The following WWOX variants were observed in gnomAD, a reference collection of about 807,000 sequenced individuals.
WWOX encodes WW domain containing oxidoreductase.
WWOX carries 69 observed loss-of-function variants against 46.2 expected under a neutral mutation model. The observed-to-expected ratio is 1.49, with a 90% CI of 1.23 to 1.82. The LOEUF (loss-of-function observed/expected upper bound fraction) is 1.82. Ranked by LOEUF, WWOX falls within the 40% of genes most tolerant of loss-of-function variation. WWOX has a pLI of 0.00. For missense variants in WWOX, 919 were observed against 542.6 expected, an observed-to-expected ratio of 1.69 and a Z score of -6.89; for synonymous variants, 359 against 202.6, an observed-to-expected ratio of 1.77 and a Z score of -6.56.
chr16:78,635,238 A>G (rs1297725538), intron 8 of WWOX, among the ~76,000 whole-genome samples: 3 of 152,054 alleles, frequency 2.0e-5, no homozygotes, highest in African/African-American at 7.2e-5. Flanking sequence ...GATGCGTGAG[A>G]CCCTTTCAAT....
At position 78,339,429 on chromosome 16, in the gene WWOX, C is replaced by G. The variant is rs773013557; in HGVS notation, c.517-47431C>G. 3.4e-5 allele frequency among the ~76,000 whole-genome samples: 4 copies of G among 116,448 alleles called. 2 individuals carry two copies. The highest frequency in any genetic ancestry group is 8.1e-5 in the Non-Finnish European group (4 of 49,548). The allele number at this position is 116,448 out of a possible 152,430, so 76.4% of individuals were successfully genotyped here. ...CCTTCTGCAGTTTGGGGTTGTTGTC[C>G]TTTTTGCTTGGTGCACAGGAATACT... On this transcript the variant is annotated intron_variant, in intron 5 of 8. Transcript: ENST00000566780.
chr16:78,882,427 C>T (rs576022903), intron 8 of WWOX, among the ~76,000 whole-genome samples: 1 of 151,910 alleles, frequency 6.6e-6, no homozygotes, highest in African/African-American at 2.4e-5. Context: ...ATTAAATCAT[C>T]CTAAGCTCCA....
At chr16:78,418,542 T>G (rs28769341) in intron 6 of WWOX, among the ~76,000 whole-genome samples, 8,381 of 152,128 alleles carry the variant, frequency 0.055, 268 homozygotes, top group South Asian at 0.14. Context: ...TAAATAGAGA[T>G]GCAACAATTT....
intron 5 of WWOX, among the ~76,000 whole-genome samples, chr16:78,316,763 A>G (rs1355491651): frequency 1.3e-5 from 2 of 152,134 alleles, no homozygotes; most frequent in Non-Finnish European, 2.9e-5. Context: ...TGGTAAAGTA[A>G]TTGCTTTCTT....
intron 5 of WWOX, among the ~76,000 whole-genome samples, chr16:78,315,824 A>G (rs1326028329): frequency 6.6e-6 from 1 of 151,776 alleles, no homozygotes; most frequent in African/African-American, 2.4e-5. Context: ...CATTAGTTTA[A>G]AAAAAAATAC....
intron 5 of WWOX, among the ~76,000 whole-genome samples, chr16:78,239,935 C>T (rs563186416): frequency 2.2e-4 from 34 of 152,200 alleles, no homozygotes; most frequent in African/African-American, 7.7e-4. Context: ...TCCATGGTGA[C>T]GATGCCATGC....
intron 8 of WWOX, among the ~76,000 whole-genome samples, chr16:78,461,981 T>A (rs930682868): frequency 3.9e-5 from 6 of 152,236 alleles, no homozygotes; most frequent in African/African-American, 1.4e-4. Context: ...CAACAGACCA[T>A]TTTCAGCATT....
chr16:78,749,310 G>A (rs543379018), intron 8 of WWOX, among the ~76,000 whole-genome samples: 3 of 152,148 alleles, frequency 2.0e-5, no homozygotes, highest in South Asian at 2.1e-4. Context: ...CTACAGAGAG[G>A]AAAGGGGAAA....
At chr16:78,832,951 C>T (rs72801095) in intron 8 of WWOX, among the ~76,000 whole-genome samples, 6,102 of 151,772 alleles carry the variant, frequency 0.04, 153 homozygotes, top group Non-Finnish European at 0.058. Context: ...GCCATTTGGA[C>T]AATGTGCTAT....
intron 8 of WWOX, among the ~76,000 whole-genome samples, chr16:78,697,474 A>G (rs958809179): frequency 6.6e-6 from 1 of 152,206 alleles, no homozygotes; most frequent in South Asian, 2.1e-4. Flanking sequence ...GACAACCCGC[A>G]GAGTGGGAGA....
chr16:78,861,338 T>A (rs1417539129), intron 8 of WWOX, among the ~76,000 whole-genome samples: 1 of 152,240 alleles, frequency 6.6e-6, no homozygotes, highest in East Asian at 1.9e-4. Context: ...TTATTCACAC[T>A]GGCTTTAAAA....
intron 8 of WWOX, among the ~76,000 whole-genome samples, chr16:78,693,481 C>G (rs766737141): frequency 6.6e-6 from 1 of 152,122 alleles, no homozygotes; most frequent in East Asian, 1.9e-4. Context: ...CACATAATCC[C>G]TAACCATGAT....
intron 5 of WWOX, among the ~76,000 whole-genome samples, chr16:78,232,260 A>G (rs1294316510): frequency 6.6e-6 from 1 of 152,224 alleles, no homozygotes; most frequent in Non-Finnish European, 1.5e-5. Flanking sequence ...ATTGCGGTCA[A>G]ACACATTCGT....
At chr16:78,990,584 C>G (rs1219289641) in intron 8 of WWOX, among the ~76,000 whole-genome samples, 1 of 152,178 alleles carries the variant, frequency 6.6e-6, no homozygotes, top group South Asian at 2.1e-4. Context: ...AGGGTAATTC[C>G]ATCACCACCC....
chr16:78,867,484 T>TTGTGTGTGTG (rs4035599), intron 8 of WWOX, among the ~76,000 whole-genome samples: 21 of 148,886 alleles, frequency 1.4e-4, no homozygotes, highest in East Asian at 4.0e-4. Context: ...TTAAATGATT[T>TTGTGTGTGTG]TGTGTGTGTG....
At chr16:78,724,021 A>T (rs958211614) in intron 8 of WWOX, among the ~76,000 whole-genome samples, 1 of 152,178 alleles carries the variant, frequency 6.6e-6, no homozygotes, top group African/African-American at 2.4e-5. Flanking sequence ...GAGAGGATGC[A>T]TAGGACTACA....
At chr16:78,624,267 A>G (rs1227389005) in intron 8 of WWOX, among the ~76,000 whole-genome samples, 3 of 147,386 alleles carry the variant, frequency 2.0e-5, no homozygotes, top group Non-Finnish European at 4.4e-5. Flanking sequence ...GTGCCCCAGC[A>G]TTATGTGGTA....
At chr16:78,439,122 T>C (rs2083393462) in intron 8 of WWOX, among the ~76,000 whole-genome samples, 1 of 152,210 alleles carries the variant, frequency 6.6e-6, no homozygotes, top group Non-Finnish European at 1.5e-5. Context: ...TGTGTATTGG[T>C]ACATTGGTGT....
chr16:78,520,941 G>T (rs1244880881), intron 8 of WWOX, among the ~76,000 whole-genome samples: 2 of 152,108 alleles, frequency 1.3e-5, no homozygotes. Context: ...ATAGACAGTG[G>T]CGTGCTGGGG....
Sources: gnomAD v4.1 joint callset for allele counts (sites outside exome capture counted in the v4.1 genomes callset) on GRCh38, gnomAD v4.1.1 for gene constraint, MANE v1.5 for transcripts, NCBI Gene and HGNC (gene_info 2026-07-23, HGNC 2026-07-21) for gene names.